The following IFI27L1 variants were observed in gnomAD, a reference collection of about 807,000 sequenced individuals.
IFI27L1 encodes the protein interferon alpha-inducible protein 27-like protein 1.
A neutral mutation model predicts 9.2 loss-of-function variants in IFI27L1; 3 were observed. The observed-to-expected ratio is 0.32, with a 90% CI of 0.15 to 0.84. The LOEUF is 0.84. Ranked by LOEUF, IFI27L1 falls within the 40% of genes least tolerant of loss-of-function variation. The pLI, the probability that IFI27L1 is intolerant of heterozygous loss-of-function variation, is 0.56. For synonymous variants in IFI27L1, 53 were observed against 50.0 expected (o/e 1.06, Z -0.26); for missense variants, 133 against 134.2 (o/e 0.99, Z 0.05).
chr14:94,091,278 A>G (rs2139266567), intron 1 of IFI27L1, among the ~76,000 whole-genome samples: 1 of 152,384 alleles, frequency 6.6e-6, no homozygotes, highest in East Asian at 1.9e-4. Context: ...AGCCGCTATT[A>G]TAGCCACAAT....
intron 2 of IFI27L1, chr14:94,100,141 T>G (rs1886837884): frequency 3.4e-6 from 1 of 297,034 alleles, no homozygotes; most frequent in African/African-American, 2.3e-5. Context: ...AAATGTCATC[T>G]GAGTAGGGAT....
intron 3 of IFI27L1, chr14:94,101,078 C>T: frequency 1.8e-6 from 1 of 563,626 alleles, no homozygotes; most frequent in Non-Finnish European, 3.2e-6. Context: ...AAGCAGGGCC[C>T]ATGGTATCCT....
At chr14:94,093,985 C>T (rs1003365314) in intron 1 of IFI27L1, among the ~76,000 whole-genome samples, 2 of 152,054 alleles carry the variant, frequency 1.3e-5, no homozygotes, top group Non-Finnish European at 2.9e-5. Flanking sequence ...GGGAAAGGCC[C>T]TCTGCTTGGG....
At chr14:94,102,425 A>C (rs1318905824) in intron 4 of IFI27L1, 52 bp from the exon 5 acceptor site, 4 of 1,185,990 alleles carry the variant, frequency 3.4e-6, no homozygotes, top group Non-Finnish European at 4.8e-6. Flanking sequence ...ACCCCCTGTT[A>C]GGAGCTGCTA....
chr14:94,101,235 A>G (rs1168200063), intron 3 of IFI27L1: 7 of 251,834 alleles, frequency 2.8e-5, no homozygotes, highest in African/African-American at 1.3e-4. Context: ...AAACTAAAGA[A>G]AATCATAATG....
chr14:94,099,105 A>T (rs1011888589), intron 2 of IFI27L1, among the ~76,000 whole-genome samples: 2 of 152,190 alleles, frequency 1.3e-5, no homozygotes, highest in African/African-American at 4.8e-5. Context: ...AATCCCAGAG[A>T]GAGGGAGACT....
At chr14:94,087,472 G>C (rs1420623468) in intron 1 of IFI27L1, among the ~76,000 whole-genome samples, 4 of 152,188 alleles carry the variant, frequency 2.6e-5, no homozygotes, top group Non-Finnish European at 5.9e-5. Flanking sequence ...TGTCACGCAG[G>C]CTGGAGTGCA....
intron 1 of IFI27L1, among the ~76,000 whole-genome samples, chr14:94,084,829 A>T (rs1886225080): frequency 6.6e-6 from 1 of 152,206 alleles, no homozygotes; most frequent in Admixed American, 6.5e-5. Context: ...CCTCAGAAAG[A>T]AAAACAGGCA....
chr14:94,084,226 G>A (rs1207079122), intron 1 of IFI27L1, among the ~76,000 whole-genome samples: 1 of 152,194 alleles, frequency 6.6e-6, no homozygotes, highest in African/African-American at 2.4e-5. Context: ...CTTTAACTGG[G>A]TGCAGTGGCT....
At chr14:94,091,949 C>T (rs1816478075) in intron 1 of IFI27L1, among the ~76,000 whole-genome samples, 1 of 151,494 alleles carries the variant, frequency 6.6e-6, no homozygotes, top group African/African-American at 2.4e-5. Context: ...CATGGTGAAA[C>T]CCTGTCTCTA....
intron 1 of IFI27L1, among the ~76,000 whole-genome samples, chr14:94,083,502 GA>G (rs1381406996): frequency 6.6e-6 from 1 of 152,180 alleles, no homozygotes; most frequent in Non-Finnish European, 1.5e-5. Flanking sequence ...TTCATGAAAG[GA>G]AGAGTCAATC....
chr14:94,101,029 T>C (rs1180294180), intron 3 of IFI27L1: 10 of 594,956 alleles, frequency 1.7e-5, no homozygotes, highest in Admixed American at 2.9e-5. Context: ...CCCGGATGAG[T>C]CATTGGAGCA....
intron 1 of IFI27L1, chr14:94,088,226 G>A: frequency 1.4e-6 from 1 of 702,254 alleles, no homozygotes; most frequent in Non-Finnish European, 2.6e-6. Flanking sequence ...AAGCATTGTA[G>A]TAGGGACTTG....
At chr14:94,097,498 G>A (rs1595395821) in intron 2 of IFI27L1, 14 of 608,102 alleles carry the variant, frequency 2.3e-5, no homozygotes, top group African/African-American at 3.7e-5. Context: ...ATAGCAGGAA[G>A]GCTTTTGGCC....
chr14:94,082,741 C>T (rs962132291), intron 1 of IFI27L1, among the ~76,000 whole-genome samples: 8 of 152,164 alleles, frequency 5.3e-5, no homozygotes, highest in Non-Finnish European at 1.5e-5. Context: ...TATTTTAAGC[C>T]CACTGTTGAG....
intron 4 of IFI27L1, 190 bp downstream of exon 4, chr14:94,102,165 G>C (rs901800617): frequency 2.2e-5 from 14 of 650,160 alleles, no homozygotes; most frequent in South Asian, 9.5e-5. Context: ...CATTCCTGGT[G>C]AACCCTACAA....
Position 94,096,909 on chromosome 14 carries a change from G to A in IFI27L1, c.-29G>A, listed in dbSNP as rs748505904. On this transcript the variant is annotated 5_prime_UTR_variant, in exon 2 of 5. Transcript: ENST00000555523. ...CAGGTGGAAGTCCAAGAATCCGAGT[G>A]GAGGCTCACCGAGGCGAAGGGGCCA... 3 of 1,611,746 alleles carry A rather than the reference G, an allele frequency of 1.9e-6. No individual in the cohort carries two copies. The highest frequency in any genetic ancestry group is 2.5e-6 in the Non-Finnish European group (3 of 1,178,104).
chr14:94,082,884 A>G (rs1050240042), intron 1 of IFI27L1, among the ~76,000 whole-genome samples: 4 of 152,258 alleles, frequency 2.6e-5, no homozygotes, highest in Non-Finnish European at 5.9e-5. Flanking sequence ...CACAAGATCC[A>G]TTCTTCAGCC....
intron 2 of IFI27L1, chr14:94,100,183 C>A: frequency 5.8e-6 from 4 of 687,028 alleles, no homozygotes; most frequent in African/African-American, 1.9e-5. Context: ...GGAGTCGTGA[C>A]AGAGAGAAAG....
Sources: gnomAD v4.1 joint callset for allele counts (sites outside exome capture counted in the v4.1 genomes callset) on GRCh38, gnomAD v4.1.1 for gene constraint, MANE v1.5 for transcripts, NCBI Gene and HGNC (gene_info 2026-07-23, HGNC 2026-07-21) for gene names.